The following MAST2 variants were observed in gnomAD, a reference collection of about 807,000 sequenced individuals.
MAST2 encodes the protein microtubule associated serine/threonine kinase 2, also known as microtubule-associated serine/threonine-protein kinase 2.
MAST2 carries 70 observed loss-of-function variants against 147.4 expected under a neutral mutation model. The ratio of observed to expected loss-of-function variants is 0.47; its 90% CI spans 0.39 to 0.58. The LOEUF (loss-of-function observed/expected upper bound fraction) is 0.58, where lower values mean the gene tolerates loss of function less well. MAST2 is among the 20% of genes least tolerant of loss of function. The pLI is 0.00. For missense variants in MAST2, 2,080 were observed against 2,302.3 expected, an observed-to-expected ratio of 0.90 and a Z score of 1.98; for synonymous variants, 869 against 896.8, an observed-to-expected ratio of 0.97 and a Z score of 0.55.
At chr1:45,918,937 A>G (rs1038085344) in intron 4 of MAST2, among the ~76,000 whole-genome samples, 4 of 152,222 alleles carry the variant, frequency 2.6e-5, no homozygotes, top group Admixed American at 1.3e-4. Flanking sequence ...AGCCTGGGCA[A>G]CATGGTGAAA....
At chr1:45,979,290 C>T (rs1208736537) in intron 5 of MAST2, among the ~76,000 whole-genome samples, 2 of 152,278 alleles carry the variant, frequency 1.3e-5, no homozygotes, top group East Asian at 3.9e-4. Flanking sequence ...CAACTGACTG[C>T]TCCCAGTTTT....
chr1:45,906,275 A>C (rs1262799875), intron 4 of MAST2, among the ~76,000 whole-genome samples: 1 of 152,218 alleles, frequency 6.6e-6, no homozygotes, highest in Non-Finnish European at 1.5e-5. Flanking sequence ...AAGATTATAA[A>C]GGAGCTGAAA....
In MAST2 at chr1:45,923,257, C is replaced by T. The variant is rs541824174; in HGVS notation, c.501-36129C>T. ...GTAGGGGGGCTTCCAAAGGAGGGTT[C>T]CAGGGACTGTCCACCTTGGCGTCTG... On this transcript the variant is annotated intron_variant, in intron 4 of 28. Transcript: ENST00000361297. 2.0e-5 allele frequency among the ~76,000 whole-genome samples: 3 copies of T among 152,248 alleles called. No homozygotes were observed. The South Asian group carries it at 6.2e-4, about 32-fold the overall frequency.
At chr1:46,027,104 C>T (rs543749387) in intron 16 of MAST2, among the ~76,000 whole-genome samples, 1 of 152,238 alleles carries the variant, frequency 6.6e-6, no homozygotes, top group African/African-American at 2.4e-5. Context: ...CTGTAAGACA[C>T]ATGGGCAGTT....
chr1:46,026,755 T>G (rs556581502), intron 16 of MAST2, among the ~76,000 whole-genome samples: 1 of 152,264 alleles, frequency 6.6e-6, no homozygotes, highest in South Asian at 2.1e-4. Flanking sequence ...GTGTTCCAGA[T>G]TTCCAGCTTG....
At chr1:46,005,952 A>G (rs1365170579) in intron 7 of MAST2, among the ~76,000 whole-genome samples, 2 of 152,230 alleles carry the variant, frequency 1.3e-5, no homozygotes, top group Admixed American at 6.5e-5. Flanking sequence ...GTGAGGAAGC[A>G]TGATTTATTA....
intron 4 of MAST2, among the ~76,000 whole-genome samples, chr1:45,900,173 CA>C (rs59051138): frequency 4.3e-3 from 231 of 54,094 alleles, no homozygotes; most frequent in East Asian, 0.03. Context: ...CTCTCTCTCT[CA>C]AAAAAAAAAA....
chr1:45,847,329 A>G (rs1025102316), intron 3 of MAST2: 23 of 498,002 alleles, frequency 4.6e-5, no homozygotes, highest in East Asian at 2.1e-4. Flanking sequence ...ATGTAACTCA[A>G]TCTGCTCCAA....
chr1:45,982,984 T>C (rs1052281256), intron 5 of MAST2, among the ~76,000 whole-genome samples: 12 of 152,220 alleles, frequency 7.9e-5, no homozygotes, highest in Non-Finnish European at 8.8e-5. Flanking sequence ...TTGTTTATTA[T>C]ATTGTTGCTT....
At chr1:46,018,662 C>T (rs1172856077) in intron 10 of MAST2, among the ~76,000 whole-genome samples, 5 of 152,130 alleles carry the variant, frequency 3.3e-5, no homozygotes, top group South Asian at 4.1e-4. Context: ...GCCACACTGA[C>T]GTTAACAGTT....
At chr1:45,921,184 C>T (rs769697262) in intron 4 of MAST2, among the ~76,000 whole-genome samples, 4 of 152,040 alleles carry the variant, frequency 2.6e-5, no homozygotes, top group African/African-American at 4.8e-5. Context: ...TTAGTAGAGA[C>T]GGGGTTTCAC....
At chr1:45,965,854 C>G (rs1010375630) in intron 5 of MAST2, among the ~76,000 whole-genome samples, 22 of 152,224 alleles carry the variant, frequency 1.4e-4, no homozygotes, top group African/African-American at 5.1e-4. Context: ...CAGAGTGCTA[C>G]ATTTGTTACA....
chr1:45,892,109 T>C (rs1015993619), intron 4 of MAST2, among the ~76,000 whole-genome samples: 1 of 152,242 alleles, frequency 6.6e-6, no homozygotes, highest in African/African-American at 2.4e-5. Flanking sequence ...CAAATAAGCA[T>C]GATTCTCAAA....
chr1:45,809,563 T>C (rs1358482407), intron 1 of MAST2, among the ~76,000 whole-genome samples: 1 of 152,132 alleles, frequency 6.6e-6, no homozygotes, highest in Non-Finnish European at 1.5e-5. Context: ...CCCCTGGAAG[T>C]TGAGGCTGCA....
intron 3 of MAST2, among the ~76,000 whole-genome samples, chr1:45,843,556 T>G (rs1381508176): frequency 6.6e-6 from 1 of 152,148 alleles, no homozygotes; most frequent in African/African-American, 2.4e-5. Flanking sequence ...GCTATAGATG[T>G]GGACTTGGAA....
intron 4 of MAST2, among the ~76,000 whole-genome samples, chr1:45,932,146 A>G (rs1262230756): frequency 1.3e-5 from 2 of 152,118 alleles, no homozygotes; most frequent in South Asian, 2.1e-4. Context: ...TTTGTAATTA[A>G]TAAGTATTTT....
At position 45,882,348 on chromosome 1, in the gene MAST2, A is replaced by G. The variant is rs752238075; in HGVS notation, c.469-16A>G. The G allele has an allele frequency of 6.2e-7, 1 of 1,606,556 alleles. No homozygotes were observed. The highest frequency in any genetic ancestry group is 1.1e-5 in the South Asian group (1 of 90,806). On this transcript the variant is annotated splice_polypyrimidine_tract_variant and intron_variant, in intron 3 of 28. Coordinates refer to ENST00000361297, the MANE Select transcript of MAST2 (RefSeq NM_015112.3). ...ATGGGTTCTTATTTCTAACTTGCAT[A>G]TGTTTTGTTTTTCAGAAGGAGTTGA...
chr1:45,930,760 C>A (rs1056138468), intron 4 of MAST2, among the ~76,000 whole-genome samples: 5 of 152,130 alleles, frequency 3.3e-5, no homozygotes, highest in African/African-American at 4.8e-5. Context: ...GCAAAATAAA[C>A]CCCATGAACC....
intron 10 of MAST2, among the ~76,000 whole-genome samples, chr1:46,012,543 A>G (rs1353799310): frequency 1.3e-5 from 2 of 152,190 alleles, no homozygotes; most frequent in East Asian, 3.9e-4. Context: ...ACTTTATATG[A>G]ATTCTCTCAC....
Sources: gnomAD v4.1 joint callset for allele counts (sites outside exome capture counted in the v4.1 genomes callset) on GRCh38, gnomAD v4.1.1 for gene constraint, MANE v1.5 for transcripts, NCBI Gene and HGNC (gene_info 2026-07-23, HGNC 2026-07-21) for gene names.